Variants in APOO observed in about 807,000 individuals in gnomAD.
The protein encoded by APOO is MICOS complex subunit MIC26.
APOO carries 11 observed loss-of-function variants against 23.1 expected under a neutral mutation model. The observed-to-expected ratio is 0.48, with a 90% CI of 0.30 to 0.79. The LOEUF (loss-of-function observed/expected upper bound fraction) is 0.79. Among genes scored for constraint, APOO ranks in the 30% least tolerant of loss-of-function variants. The pLI, the probability that APOO is intolerant of heterozygous loss-of-function variation, is 0.07. For missense variants in APOO, 160 were observed against 142.7 expected, an observed-to-expected ratio of 1.12 and a Z score of -0.62; for synonymous variants, 59 against 54.8, an observed-to-expected ratio of 1.08 and a Z score of -0.34.
At chrX:23,891,233 T>C (rs1227398617) in intron 1 of APOO, among the ~76,000 whole-genome samples, 1 of 110,765 alleles carries the variant, frequency 9.0e-6, no homozygotes, top group East Asian at 2.8e-4. Flanking sequence ...ATTCTTTCTT[T>C]TTTTTTTCTT....
chrX:23,865,836 C>T (rs889259991), intron 5 of APOO, among the ~76,000 whole-genome samples: 6 of 111,130 alleles, frequency 5.4e-5, no homozygotes, highest in Admixed American at 1.9e-4. Flanking sequence ...TGTGTGTGTG[C>T]GTGCCTGTGT....
intron 1 of APOO, among the ~76,000 whole-genome samples, chrX:23,900,391 T>C (rs750498114): frequency 9.0e-6 from 1 of 111,404 alleles, no homozygotes; most frequent in Admixed American, 9.5e-5. Flanking sequence ...AAATCTCAAC[T>C]GGCCCGGCAT....
At chrX:23,905,259 C>T (rs1191311127) in intron 1 of APOO, among the ~76,000 whole-genome samples, 1 of 109,630 alleles carries the variant, frequency 9.1e-6, no homozygotes, top group East Asian at 2.9e-4. Flanking sequence ...GGCGTGGTGG[C>T]GGGCGCCTGT....
chrX:23,863,234 TG>T (rs1925174346), intron 5 of APOO, among the ~76,000 whole-genome samples: 2 of 111,812 alleles, frequency 1.8e-5, no homozygotes, highest in Non-Finnish European at 3.8e-5. Flanking sequence ...ACTGGGAGGT[TG>T]AGGCGTGAGA....
At chrX:23,844,148 G>A (rs753681957) in intron 7 of APOO, among the ~76,000 whole-genome samples, 53 of 111,978 alleles carry the variant, frequency 4.7e-4, no homozygotes, top group African/African-American at 1.7e-3. Flanking sequence ...AGAGTTTAGC[G>A]CCAAGGGCCA....
At chrX:23,860,104 C>T (rs370973504) in intron 5 of APOO, among the ~76,000 whole-genome samples, 1 of 111,046 alleles carries the variant, frequency 9.0e-6, no homozygotes, top group African/African-American at 3.3e-5. Flanking sequence ...GGAGAGTGAA[C>T]GGAAATAAGA....
chrX:23,861,745 C>A (rs1049045455), intron 5 of APOO, among the ~76,000 whole-genome samples: 10 of 107,320 alleles, frequency 9.3e-5, no homozygotes, highest in Non-Finnish European at 1.5e-4. Context: ...TGCCCAGCTC[C>A]CCTGAGGTAG....
At chrX:23,871,070 C>T (rs1379953139) in intron 4 of APOO, among the ~76,000 whole-genome samples, 1 of 108,803 alleles carries the variant, frequency 9.2e-6, no homozygotes, top group Non-Finnish European at 1.9e-5. Context: ...GCCTGGGCAA[C>T]AGAGCGAGAC....
intron 8 of APOO, chrX:23,837,447 C>T: frequency 2.2e-6 from 1 of 447,783 alleles, no homozygotes; most frequent in Admixed American, 3.9e-5. Flanking sequence ...TCACCTAAAC[C>T]CAGGAGTTGA....
At position 23,907,781 on chromosome X, in the gene APOO, G is replaced by A; in HGVS notation, c.-79C>T. The A allele has an allele frequency of 9.4e-7, 1 of 1,060,611 alleles. No homozygotes were observed. The highest frequency in any genetic ancestry group is 1.3e-6 in the Non-Finnish European group (1 of 799,104). 87.4% of individuals were successfully genotyped at this position (1,060,611 alleles called of 1,213,427 possible). ...TATAGAGAGGTGACTACGGAGGCCC[G>A]GTAGGGCCTTGATTTCTCCAACCGC... On this transcript the variant is annotated 5_prime_UTR_variant, in exon 1 of 9. Coordinates refer to ENST00000379226, the MANE Select transcript of APOO (RefSeq NM_024122.5).
chrX:23,898,055 CA>C (rs199648547), intron 1 of APOO, among the ~76,000 whole-genome samples: 39 of 98,535 alleles, frequency 4.0e-4, no homozygotes, highest in South Asian at 4.9e-4. Context: ...GGCTCTGTCT[CA>C]AAAAAAAAAA....
At chrX:23,895,867 A>AT (rs201867407) in intron 1 of APOO, among the ~76,000 whole-genome samples, 4 of 105,171 alleles carry the variant, frequency 3.8e-5, no homozygotes, top group African/African-American at 1.4e-4. Context: ...AGAAAATGGC[A>AT]TTTTTTTTAA....
At chrX:23,899,608 G>A (rs1248626851) in intron 1 of APOO, among the ~76,000 whole-genome samples, 1 of 111,351 alleles carries the variant, frequency 9.0e-6, no homozygotes, top group Non-Finnish European at 1.9e-5. Flanking sequence ...GCATTATTGG[G>A]GAAAATCAAC....
At chrX:23,862,339 G>C (rs1244516066) in intron 5 of APOO, among the ~76,000 whole-genome samples, 1 of 111,151 alleles carries the variant, frequency 9.0e-6, no homozygotes, top group Non-Finnish European at 1.9e-5. Context: ...GGAGCTCTTG[G>C]AAATGACCAA....
At chrX:23,893,142 G>C (rs1304904602) in intron 1 of APOO, among the ~76,000 whole-genome samples, 1 of 109,786 alleles carries the variant, frequency 9.1e-6, no homozygotes, top group African/African-American at 3.3e-5. Context: ...GAAAGGCCGG[G>C]CGCGGTGGCT....
At chrX:23,883,619 C>T (rs1392832301) in intron 1 of APOO, 1 of 112,097 alleles carries the variant, frequency 8.9e-6, no homozygotes, top group East Asian at 2.8e-4. Context: ...AGGCAAGAAC[C>T]CTAGGATACA....
At chrX:23,854,865 T>C (rs1466652549) in intron 7 of APOO, among the ~76,000 whole-genome samples, 1 of 109,410 alleles carries the variant, frequency 9.1e-6, no homozygotes, top group African/African-American at 3.3e-5. Context: ...GAAGCTTCCA[T>C]AGAAAATATC....
intron 1 of APOO, among the ~76,000 whole-genome samples, chrX:23,904,785 C>A (rs1234602138): frequency 1.8e-5 from 2 of 111,101 alleles, no homozygotes; most frequent in Non-Finnish European, 3.8e-5. Context: ...GGATTACAGG[C>A]GTGAGCCACC....
At chrX:23,883,326 C>T (rs1324824505) in intron 1 of APOO, 1 of 110,930 alleles carries the variant, frequency 9.0e-6, no homozygotes, top group East Asian at 2.8e-4. Flanking sequence ...AGCGGCTGGA[C>T]GTCAAGAGAA....
Sources: gnomAD v4.1 joint callset for allele counts (sites outside exome capture counted in the v4.1 genomes callset) on GRCh38, gnomAD v4.1.1 for gene constraint, MANE v1.5 for transcripts, NCBI Gene and HGNC (gene_info 2026-07-23, HGNC 2026-07-21) for gene names.